Variants in FANCD2 observed in about 807,000 individuals in gnomAD.
FANCD2 encodes Fanconi anemia group D2 protein.
In FANCD2, 131 loss-of-function variants were observed where a neutral mutation model predicts 192.3. That is an observed-to-expected ratio of 0.68 (90% CI 0.59 to 0.79). The LOEUF (loss-of-function observed/expected upper bound fraction) is 0.79. Among genes scored for constraint, FANCD2 ranks in the 30% least tolerant of loss-of-function variants. The pLI is 0.00. For missense variants in FANCD2, 1,508 were observed against 1,701.6 expected (o/e 0.89, Z 2.00); for synonymous variants, 524 against 612.5 (o/e 0.86, Z 2.13).
At position 10,088,823 on chromosome 3, in the gene FANCD2, T is replaced by G; in HGVS notation, c.3561-5T>G. The G allele has an allele frequency of 6.2e-7, 1 of 1,614,052 alleles. No individual in the cohort carries two copies. The highest frequency in any genetic ancestry group is 2.2e-5 in the East Asian group (1 of 44,882). ...AGTGGGTCAAATATTTGACTCTCAA[T>G]GCAGTATCTACCTGGAGCACACAGA... is the stretch of plus-strand genomic sequence containing the variant. On this transcript the variant is annotated splice_polypyrimidine_tract_variant and splice_region_variant and intron_variant, in intron 35 of 43. Transcript: ENST00000675286.
Position 10,101,514 on chromosome 3 carries a change from T to C in FANCD2, c.*252T>C. The C allele has an allele frequency of 2.2e-6, 1 of 463,332 alleles. No homozygotes were observed. Among genetic ancestry groups the C allele is most frequent in the Non-Finnish European group, 4.0e-6 (1 of 252,274 alleles). 28.7% of individuals were successfully genotyped at this position (463,332 alleles called of 1,614,324 possible). ...GATTCTCCTGCCTCAGCCTCCTGAG[T>C]AGCTGGGACGACAGGCACATGCCAC... On this transcript the variant is annotated 3_prime_UTR_variant, in exon 44 of 44. Transcript: ENST00000675286.
At position 10,054,400 on chromosome 3, in the gene FANCD2, T is replaced by TATGTATATACGTATATACATATATAC. The variant is rs1430958356; in HGVS notation, c.1656+1914_1656+1939dup. Among the ~76,000 whole-genome samples, 37 of 105,272 alleles carry TATGTATATACGTATATACATATATAC rather than the reference T, an allele frequency of 3.5e-4. 2 individuals are homozygous for TATGTATATACGTATATACATATATAC. Among genetic ancestry groups the TATGTATATACGTATATACATATATAC allele is most frequent in the Middle Eastern group, 9.9e-3 (2 of 202 alleles). The allele number at this position is 105,272 out of a possible 152,430, so 69.1% of individuals were successfully genotyped here. The stretch of plus-strand genomic sequence containing the variant: ...ATACATATATATATGTATATACGTA[T>TATGTATATACGTATATACATATATAC]ATGTATATACGTATATACATATATA... On this transcript the variant is annotated intron_variant, in intron 18 of 43. Coordinates refer to ENST00000675286, the MANE Select transcript of FANCD2 (RefSeq NM_001018115.3).
chr3:10,037,779 C>G (rs2086767596), intron 7 of FANCD2: 2 of 151,752 alleles, frequency 1.3e-5, no homozygotes, highest in Admixed American at 1.3e-4. Flanking sequence ...TTGAAAAAAA[C>G]AAACCCAGGT....
chr3:10,027,878 C>A (rs1480346333), intron 1 of FANCD2, among the ~76,000 whole-genome samples: 2 of 130,058 alleles, frequency 1.5e-5, no homozygotes, highest in Non-Finnish European at 1.6e-5. Flanking sequence ...GCACTCCAGC[C>A]TGGGTGACAG....
intron 43 of FANCD2, 27 bp from the exon 44 acceptor site, chr3:10,101,161 C>CTTAT (rs767726902): frequency 6.4e-7 from 1 of 1,574,768 alleles, no homozygotes; most frequent in Non-Finnish European, 8.7e-7. Context: ...ACCTAAAATG[C>CTTAT]TTATTTATTT....
At chr3:10,078,821 G>T (rs893231350) in intron 30 of FANCD2, among the ~76,000 whole-genome samples, 1 of 151,878 alleles carries the variant, frequency 6.6e-6, no homozygotes, top group African/African-American at 2.4e-5. Context: ...AAAAGAACTA[G>T]CCGGGCATGG....
Position 10,063,093 on chromosome 3 carries a change from T to C in FANCD2, c.1828-699T>C, listed in dbSNP as rs547643531. 4.1e-4 allele frequency among the ~76,000 whole-genome samples: 63 copies of C among 152,310 alleles called. 2 individuals are homozygous for C. The South Asian group carries it at 8.9e-3, about 22-fold the overall frequency. ...ATGCCATGTTTATGGAATAACACTTTGGTTGAAGCATGGGGACAAATAAGT... is the reference window on the plus strand; with the variant it reads ...ATGCCATGTTTATGGAATAACACTTCGGTTGAAGCATGGGGACAAATAAGT... On this transcript the variant is annotated intron_variant, in intron 20 of 43. Coordinates refer to ENST00000675286, the MANE Select transcript of FANCD2 (RefSeq NM_001018115.3).
chr3:10,042,613 G>A lies in FANCD2; in HGVS notation c.838G>A (p.Val280Met), dbSNP rs2124991336. ...LSSIRLEDLPVIIKFILHSVT... is the reference protein window; with the variant it reads ...LSSIRLEDLPMIIKFILHSVT... Reference sequence around the variant, plus strand: ...GTCTATTAGATTGGAGGATTTACCTGTGATAATAAAGTTCATTCTTCATTC... The same window carrying A: ...GTCTATTAGATTGGAGGATTTACCTATGATAATAAAGTTCATTCTTCATTC... The change falls in exon 11 of 44, where the codon GTG (valine) becomes ATG (methionine). Residue 280 changes from valine to methionine, a missense_variant. Physicochemically the swap from Val to Met is conservative, Grantham distance 21. Around this residue, in one of 5 missense-constraint regions of FANCD2, gnomAD observed 435 missense variants for 421.9 expected, o/e 1.03. Transcript: ENST00000675286. The A allele has an allele frequency of 6.2e-7, 1 of 1,614,082 alleles. No individual in the cohort carries two copies. The highest frequency in any genetic ancestry group is 8.5e-7 in the Non-Finnish European group (1 of 1,179,976).
chr3:10,067,621 A>G (rs1463803599), intron 26 of FANCD2, among the ~76,000 whole-genome samples: 2 of 152,182 alleles, frequency 1.3e-5, no homozygotes, highest in Non-Finnish European at 2.9e-5. Context: ...AACATGGTGA[A>G]ACCCTGTTTG....
rs559303952 is a variant in FANCD2, at chr3:10,098,137, A to G, written c.4186-583A>G. On this transcript the variant is annotated intron_variant, in intron 42 of 43. Coordinates refer to ENST00000675286, the MANE Select transcript of FANCD2 (RefSeq NM_001018115.3). Reference sequence around the variant, plus strand: ...GTAGTCAATTATATATGAAATATATAAAACAGCACCACAGAGAATTAGCTT... The same window carrying G: ...GTAGTCAATTATATATGAAATATATGAAACAGCACCACAGAGAATTAGCTT... 2.6e-5 allele frequency among the ~76,000 whole-genome samples: 4 copies of G among 152,354 alleles called. No individual in the cohort carries two copies. In the East Asian group the frequency reaches 7.7e-4, roughly 29 times the overall value.
At chr3:10,046,262 T>G (rs35329575) in intron 14 of FANCD2, among the ~76,000 whole-genome samples, 3 of 151,096 alleles carry the variant, frequency 2.0e-5, no homozygotes, top group African/African-American at 7.3e-5. Context: ...ACCGTGTTAG[T>G]CAGGATGGTC....
intron 3 of FANCD2, 90 bp downstream of exon 3, chr3:10,033,062 T>G: frequency 8.9e-7 from 1 of 1,121,574 alleles, no homozygotes; most frequent in Non-Finnish European, 1.3e-6. Flanking sequence ...GCAATGAAGA[T>G]TAGAAATCAG....
rs750865745 is a variant in FANCD2, at chr3:10,078,159, C to G, written c.2938C>G (p.Leu980Val). The G allele has an allele frequency of 6.2e-7, 1 of 1,613,354 alleles. No individual in the cohort carries two copies. The highest frequency in any genetic ancestry group is 2.2e-5 in the East Asian group (1 of 44,850). ...EDLSQKLESM[L>V]TPPIARRVPF... Reference sequence around the variant, plus strand: ...TCTCTCCCAGAAGCTGGAGAGTATGCTGACACCTCCTATTGCCAGGAGAGT... The same window carrying G: ...TCTCTCCCAGAAGCTGGAGAGTATGGTGACACCTCCTATTGCCAGGAGAGT... The change falls in exon 30 of 44, where the codon CTG (leucine) becomes GTG (valine). Residue 980 changes from leucine (L) to valine (V), a missense_variant. This residue lies in a region of FANCD2 where 796 missense variants were observed against 879.4 expected (regional missense o/e 0.91). Transcript: ENST00000675286.
chr3:10,045,370 A>G (rs1427930427), intron 14 of FANCD2, among the ~76,000 whole-genome samples: 4 of 151,840 alleles, frequency 2.6e-5, no homozygotes, highest in Non-Finnish European at 5.9e-5. Context: ...GGGCTTCATC[A>G]TGTTAGCCAG....
At chr3:10,045,930 A>G (rs999862741) in intron 14 of FANCD2, among the ~76,000 whole-genome samples, 98 of 151,800 alleles carry the variant, frequency 6.5e-4, no homozygotes, top group African/African-American at 2.2e-3. Context: ...CTGAAAATAC[A>G]TACTGTAGTT....
chr3:10,062,096 G>A (rs1286648507), intron 19 of FANCD2, 55 bp from the exon 20 acceptor site: 1 of 1,356,428 alleles, frequency 7.4e-7, no homozygotes, highest in Non-Finnish European at 1.0e-6. Context: ...TTGTGCACAT[G>A]TACCCTAAAA....
chr3:10,056,359 A>G (rs1230748589), intron 18 of FANCD2, among the ~76,000 whole-genome samples: 1 of 152,264 alleles, frequency 6.6e-6, no homozygotes, highest in East Asian at 1.9e-4. Context: ...GCTGGATCAT[A>G]TGATGACCAT....
At chr3:10,032,498 G>A in intron 2 of FANCD2, 1 of 311,632 alleles carries the variant, frequency 3.2e-6, no homozygotes, top group Non-Finnish European at 6.1e-6. Flanking sequence ...ATGGGGGGGT[G>A]GTCTCACTTT....
chr3:10,055,909 C>G (rs1183281285), intron 18 of FANCD2, among the ~76,000 whole-genome samples: 1 of 152,074 alleles, frequency 6.6e-6, no homozygotes, highest in Non-Finnish European at 1.5e-5. Context: ...GATGGAGTCT[C>G]ACTCTGTCGC....
Sources: gnomAD v4.1 joint callset for allele counts (sites outside exome capture counted in the v4.1 genomes callset) on GRCh38, gnomAD v4.1.1 for gene constraint, gnomAD v4.1.1 regional missense constraint, MANE v1.5 for transcripts, NCBI Gene and HGNC (gene_info 2026-07-23, HGNC 2026-07-21) for gene names.